Variants in SNX10 observed in about 807,000 individuals in gnomAD.
SNX10 encodes the protein sorting nexin 10.
Under a neutral mutation model 28.5 loss-of-function variants are expected in SNX10, and 25 were observed. The observed-to-expected ratio is 0.88, with a 90% CI of 0.64 to 1.22. The LOEUF (loss-of-function observed/expected upper bound fraction) is 1.22, where lower values mean the gene tolerates loss of function less well. Among genes scored for constraint, SNX10 ranks in the 50% most tolerant of loss-of-function variants. The pLI is 0.00. For synonymous variants in SNX10, 62 were observed against 81.4 expected (o/e 0.76, Z 1.28); for missense variants, 223 against 242.6 (o/e 0.92, Z 0.54).
At chr7:26,322,738 G>A (rs1470114413) in intron 1 of SNX10, among the ~76,000 whole-genome samples, 1 of 152,166 alleles carries the variant, frequency 6.6e-6, no homozygotes, top group Non-Finnish European at 1.5e-5. Context: ...ATTCTTGGAG[G>A]TTGGAATAAA....
chr7:26,350,002 G>A (rs1001776177), intron 2 of SNX10, among the ~76,000 whole-genome samples: 2 of 152,202 alleles, frequency 1.3e-5, no homozygotes, highest in Non-Finnish European at 1.5e-5. Context: ...CTCACTTGGT[G>A]TAACTAGACT....
Position 26,364,434 on chromosome 7 carries a change from T to A in SNX10, c.112-101T>A. On this transcript the variant is annotated intron_variant, in intron 3 of 6. Coordinates refer to ENST00000338523, the MANE Select transcript of SNX10 (RefSeq NM_013322.3). The surrounding 1 kb of genome is among the most constrained non-coding windows in gnomAD (Gnocchi z 4.9). ...ATAAATATATGTTTGGTGGTTTAAA[T>A]CCTATTTAGAGTGAATGTTGAGATC... 1 of 1,434,714 alleles carries A rather than the reference T, an allele frequency of 7.0e-7. No individual in the cohort carries two copies. The highest frequency in any genetic ancestry group is 1.6e-5 in the South Asian group (1 of 62,858). The allele number at this position is 1,434,714 out of a possible 1,614,324, so 88.9% of individuals were successfully genotyped here.
intron 1 of SNX10, among the ~76,000 whole-genome samples, chr7:26,337,090 A>G (rs1410274226): frequency 6.6e-6 from 1 of 152,230 alleles, no homozygotes; most frequent in Non-Finnish European, 1.5e-5. Context: ...CCCATTTCTC[A>G]TGATCCTTGC....
chr7:26,339,632 C>T (rs1788102339), intron 1 of SNX10, among the ~76,000 whole-genome samples: 1 of 145,528 alleles, frequency 6.9e-6, no homozygotes, highest in Non-Finnish European at 1.5e-5. Flanking sequence ...CAAGTTTAAG[C>T]GATTCTCCTG....
chr7:26,313,997 C>CG (rs1352047422), intron 1 of SNX10, among the ~76,000 whole-genome samples: 1 of 151,752 alleles, frequency 6.6e-6, no homozygotes, highest in Non-Finnish European at 1.5e-5. Flanking sequence ...TTAGTAGAGA[C>CG]GGGGTTTCCC....
At chr7:26,336,885 C>T (rs1451641674) in intron 1 of SNX10, among the ~76,000 whole-genome samples, 2 of 152,128 alleles carry the variant, frequency 1.3e-5, no homozygotes, top group Non-Finnish European at 2.9e-5. Context: ...CTTAAAAACA[C>T]TGCATTTTGA....
intron 1 of SNX10, among the ~76,000 whole-genome samples, chr7:26,331,389 C>G (rs1235184681): frequency 6.6e-6 from 1 of 152,072 alleles, no homozygotes; most frequent in South Asian, 2.1e-4. Flanking sequence ...AGTTCCAGAC[C>G]AGTGTGGGCA....
intron 5 of SNX10, among the ~76,000 whole-genome samples, chr7:26,367,175 A>T (rs1451426940): frequency 6.6e-6 from 1 of 152,138 alleles, no homozygotes; most frequent in Non-Finnish European, 1.5e-5. Context: ...ACTTGAAAAA[A>T]ACTCTAAAAA....
chr7:26,313,236 A>G (rs994354389), intron 1 of SNX10, among the ~76,000 whole-genome samples: 1 of 152,238 alleles, frequency 6.6e-6, no homozygotes, highest in African/African-American at 2.4e-5. Context: ...TTTTATTGTG[A>G]TTAGAATACT....
intron 2 of SNX10, among the ~76,000 whole-genome samples, chr7:26,358,967 A>C (rs1788957827): frequency 6.6e-6 from 1 of 151,552 alleles, no homozygotes; most frequent in Admixed American, 6.6e-5. Context: ...CACCATGCCC[A>C]GCTAATTTTT....
intron 5 of SNX10, among the ~76,000 whole-genome samples, chr7:26,370,966 T>C (rs1343217205): frequency 6.6e-6 from 1 of 152,228 alleles, no homozygotes; most frequent in Non-Finnish European, 1.5e-5. Flanking sequence ...TACTTTGATT[T>C]GATTTCATAT....
intron 1 of SNX10, among the ~76,000 whole-genome samples, chr7:26,341,325 T>A (rs1336015680): frequency 6.6e-6 from 1 of 151,940 alleles, no homozygotes; most frequent in Non-Finnish European, 1.5e-5. Context: ...AAATAATAAT[T>A]CTTACAATGA....
In SNX10 at chr7:26,331,167, T is replaced by TA. The variant is rs60045434; in HGVS notation, c.-23-15238dup. On this transcript the variant is annotated intron_variant, in intron 1 of 6. Coordinates refer to ENST00000338523, the MANE Select transcript of SNX10 (RefSeq NM_013322.3). ...CCTGTCTCTAATAAAAAAAGAGAAC[T>TA]AAAAAAAAAAAAAAAGTAGATGTAT... is the stretch of plus-strand genomic sequence containing the variant. 4.4e-3 allele frequency among the ~76,000 whole-genome samples: 516 copies of TA among 117,308 alleles called. 2 individuals are homozygous for TA. Among genetic ancestry groups the TA allele is most frequent in the Non-Finnish European group, 6.0e-3 (314 of 51,950 alleles). 77.0% of individuals were successfully genotyped at this position (117,308 alleles called of 152,430 possible). A position where few individuals can be genotyped will look rare whatever the true frequency, so the allele number is the denominator to read the frequency against.
At chr7:26,304,117 G>A (rs1167705315) in intron 1 of SNX10, among the ~76,000 whole-genome samples, 1 of 152,216 alleles carries the variant, frequency 6.6e-6, no homozygotes, top group Non-Finnish European at 1.5e-5. Flanking sequence ...GGTGCACTGT[G>A]CAGATTAGGG....
At chr7:26,352,750 T>C (rs1788657874) in intron 2 of SNX10, among the ~76,000 whole-genome samples, 1 of 152,236 alleles carries the variant, frequency 6.6e-6, no homozygotes, top group Admixed American at 6.5e-5. Context: ...ACCTTGATTA[T>C]TTTGAAAAAA....
intron 2 of SNX10, among the ~76,000 whole-genome samples, chr7:26,351,719 C>T (rs1027201796): frequency 6.0e-5 from 8 of 132,866 alleles, no homozygotes; most frequent in Admixed American, 1.8e-4. Flanking sequence ...TGCAGTGGTG[C>T]GATCTCGACT....
chr7:26,295,873 G>T (rs1490779105), intron 1 of SNX10, among the ~76,000 whole-genome samples: 1 of 152,274 alleles, frequency 6.6e-6, no homozygotes, highest in Non-Finnish European at 1.5e-5. Context: ...AGAAGAAGAG[G>T]AATGTTGCAG....
intron 1 of SNX10, among the ~76,000 whole-genome samples, chr7:26,326,858 A>G (rs10279116): frequency 0.59 from 89,614 of 151,670 alleles, 27,087 homozygotes; most frequent in East Asian, 0.81. Context: ...GAGCCACTGC[A>G]CCCAGATGAA....
intron 1 of SNX10, among the ~76,000 whole-genome samples, chr7:26,302,524 CTT>C (rs1406830382): frequency 2.0e-5 from 3 of 152,222 alleles, no homozygotes; most frequent in East Asian, 3.8e-4. Context: ...CAGCTTCTCT[CTT>C]AAGCACAGTA....
Sources: gnomAD v4.1 joint callset for allele counts (sites outside exome capture counted in the v4.1 genomes callset) on GRCh38, gnomAD v4.1.1 for gene constraint, Gnocchi (gnomAD v3.1) non-coding constraint, MANE v1.5 for transcripts, NCBI Gene and HGNC (gene_info 2026-07-23, HGNC 2026-07-21) for gene names.